Variants in RUNX1T1 observed in about 807,000 individuals in gnomAD.
RUNX1T1 encodes the protein RUNX1 partner transcriptional co-repressor 1.
In RUNX1T1, 4 loss-of-function variants were observed where a neutral mutation model predicts 62.8. The ratio of observed to expected loss-of-function variants is 0.06; its 90% CI spans 0.03 to 0.15. The LOEUF is 0.15. Among genes scored for constraint, RUNX1T1 ranks in the 10% least tolerant of loss-of-function variants. The pLI is 1.00. For synonymous variants in RUNX1T1, 291 were observed against 286.0 expected, an observed-to-expected ratio of 1.02 and a Z score of -0.18; for missense variants, 508 against 754.3, an observed-to-expected ratio of 0.67 and a Z score of 3.82.
intron 10 of RUNX1T1, among the ~76,000 whole-genome samples, chr8:91,963,816 T>G (rs1811034236): frequency 6.6e-6 from 1 of 152,216 alleles, no homozygotes; most frequent in Non-Finnish European, 1.5e-5. Flanking sequence ...ATTGTTTTAT[T>G]TATTTATTTT....
At chr8:92,024,497 CAAAAAAAAAAA>C (rs34547904) in intron 1 of RUNX1T1, among the ~76,000 whole-genome samples, 3 of 17,534 alleles carry the variant, frequency 1.7e-4, no homozygotes, top group Non-Finnish European at 2.3e-4. Context: ...AACCCCAACT[CAAAAAAAAAAA>C]AAAAAAAAAA....
chr8:92,058,310 A>C (rs138064280), intron 1 of RUNX1T1, among the ~76,000 whole-genome samples: 38 of 152,214 alleles, frequency 2.5e-4, no homozygotes, highest in Middle Eastern at 3.4e-3. Context: ...TCTGCTTAAT[A>C]CTCTCTTAAT....
chr8:91,975,794 C>CTGT (rs556732788), intron 9 of RUNX1T1, 111 bp downstream of exon 10: 11 of 675,714 alleles, frequency 1.6e-5, no homozygotes, highest in Non-Finnish European at 2.7e-5. Context: ...TTTGTTTTTG[C>CTGT]TGTTGTTGTT....
chr8:92,018,060 A>C (rs1395381209), intron 1 of RUNX1T1, among the ~76,000 whole-genome samples: 1 of 152,212 alleles, frequency 6.6e-6, no homozygotes, highest in Non-Finnish European at 1.5e-5. Flanking sequence ...TTAAGAATGT[A>C]AAAGTCCCAA....
At chr8:91,976,435 T>C (rs1481243426) in intron 8 of RUNX1T1, among the ~76,000 whole-genome samples, 2 of 152,186 alleles carry the variant, frequency 1.3e-5, no homozygotes, top group African/African-American at 4.8e-5. Flanking sequence ...CTCCACTCTA[T>C]GGCTAACCAG....
intron 3 of RUNX1T1, among the ~76,000 whole-genome samples, chr8:92,013,779 C>T (rs1404998161): frequency 6.6e-6 from 1 of 152,176 alleles, no homozygotes; most frequent in Non-Finnish European, 1.5e-5. Context: ...CAACAGTTCT[C>T]TTCTCAAACT....
At chr8:91,958,728 CAAAAAAA>C (rs34044770), downstream of RUNX1T1, 2 of 130,214 alleles carry the variant, frequency 1.5e-5, no homozygotes, top group East Asian at 1.3e-4. Flanking sequence ...AGAATTTGCT[CAAAAAAA>C]AAAAAAAAAA....
At chr8:92,090,932 T>A (rs1836893575) in intron 1 of RUNX1T1, among the ~76,000 whole-genome samples, 1 of 152,164 alleles carries the variant, frequency 6.6e-6, no homozygotes, top group Non-Finnish European at 1.5e-5. Context: ...ATGTGAAGGT[T>A]GGTGAAGGAC....
At chr8:91,966,916 T>C (rs1455107879) in intron 10 of RUNX1T1, among the ~76,000 whole-genome samples, 1 of 151,804 alleles carries the variant, frequency 6.6e-6, no homozygotes, top group Non-Finnish European at 1.5e-5. Flanking sequence ...AGTACACAAT[T>C]AGGAAAAAAC....
chr8:91,986,844 T>C, intron 7 of RUNX1T1, 43 bp downstream of exon 8: 1 of 1,316,262 alleles, frequency 7.6e-7, no homozygotes, highest in African/African-American at 1.4e-5. Context: ...CTCCAGTTGT[T>C]TTCCAAACAT....
chr8:91,972,302 A>G (rs981524829), intron 9 of RUNX1T1, among the ~76,000 whole-genome samples: 12 of 152,150 alleles, frequency 7.9e-5, no homozygotes, highest in African/African-American at 2.9e-4. Context: ...TGACTTTTGT[A>G]GCCTCTGTCA....
At chr8:92,009,647 G>A (rs1821555736) in intron 4 of RUNX1T1, 1 of 150,622 alleles carries the variant, frequency 6.6e-6, no homozygotes, top group South Asian at 2.1e-4. Flanking sequence ...ATTTGCACAG[G>A]AAATGGCATT....
At chr8:92,046,448 C>T (rs532018954) in intron 1 of RUNX1T1, among the ~76,000 whole-genome samples, 1 of 152,276 alleles carries the variant, frequency 6.6e-6, no homozygotes, top group African/African-American at 2.4e-5. Context: ...ACTGCAACGT[C>T]CATCTCCCAG....
intron 1 of RUNX1T1, among the ~76,000 whole-genome samples, chr8:92,079,773 C>T (rs1834962629): frequency 6.6e-6 from 1 of 152,164 alleles, no homozygotes; most frequent in Admixed American, 6.5e-5. Context: ...CAACCACGCC[C>T]TTCCAGAGTG....
intron 1 of RUNX1T1, among the ~76,000 whole-genome samples, chr8:92,034,113 C>T (rs1826802840): frequency 6.6e-6 from 1 of 152,014 alleles, no homozygotes; most frequent in Non-Finnish European, 1.5e-5. Context: ...GGTTGGAGCA[C>T]AAGAAAGCCC....
intron 1 of RUNX1T1, among the ~76,000 whole-genome samples, chr8:92,026,210 AAAC>A (rs936022295): frequency 2.6e-5 from 4 of 152,336 alleles, no homozygotes; most frequent in African/African-American, 9.6e-5. Context: ...ATGCCCCAAT[AAAC>A]AACAACAACA....
At chr8:92,014,276 T>A (rs1822556218) in intron 3 of RUNX1T1, among the ~76,000 whole-genome samples, 1 of 141,752 alleles carries the variant, frequency 7.1e-6, no homozygotes, top group South Asian at 2.2e-4. Context: ...GAAATACACG[T>A]GCACATACAC....
At chr8:92,044,878 C>A (rs114320768) in intron 1 of RUNX1T1, among the ~76,000 whole-genome samples, 2,130 of 152,164 alleles carry the variant, frequency 0.014, 53 homozygotes, top group African/African-American at 0.049. Flanking sequence ...TTGATTCAAG[C>A]AAGGATACTC....
At chr8:92,011,346 C>G (rs1474776287) in intron 3 of RUNX1T1, among the ~76,000 whole-genome samples, 1 of 152,174 alleles carries the variant, frequency 6.6e-6, no homozygotes, top group Non-Finnish European at 1.5e-5. Context: ...TGCATGATCA[C>G]TAGCATGGTT....
Sources: allele counts gnomAD v4.1 joint callset (sites outside exome capture counted in the v4.1 genomes callset), GRCh38; gene constraint gnomAD v4.1.1; transcripts MANE v1.5; gene names NCBI Gene and HGNC (gene_info 2026-07-23, HGNC 2026-07-21).